The following PPM1H variants were observed in gnomAD, a reference collection of about 807,000 sequenced individuals.
The protein encoded by PPM1H is protein phosphatase, Mg2+/Mn2+ dependent 1H.
In PPM1H, 27 loss-of-function variants were observed where a neutral mutation model predicts 54.9. The observed-to-expected ratio is 0.49, with a 90% CI of 0.36 to 0.68. The LOEUF (loss-of-function observed/expected upper bound fraction) is 0.68. Ranked by LOEUF, PPM1H falls within the 30% of genes least tolerant of loss-of-function variation. PPM1H has a pLI of 0.00. For synonymous variants in PPM1H, 305 were observed against 270.8 expected (o/e 1.13, Z -1.24); for missense variants, 596 against 667.8 (o/e 0.89, Z 1.19).
intron 3 of PPM1H, among the ~76,000 whole-genome samples, chr12:62,800,605 G>T (rs1421894629): frequency 6.6e-6 from 1 of 152,006 alleles, no homozygotes; most frequent in Non-Finnish European, 1.5e-5. Context: ...CCAAAGTGCT[G>T]GGATTACAGG....
intron 6 of PPM1H, among the ~76,000 whole-genome samples, chr12:62,714,351 GC>G (rs1677227068): frequency 6.6e-6 from 1 of 152,224 alleles, no homozygotes; most frequent in African/African-American, 2.4e-5. Flanking sequence ...GAGAAAATGG[GC>G]TAACTCCACT....
chr12:62,665,804 G>A (rs1473316065), intron 9 of PPM1H, among the ~76,000 whole-genome samples: 2 of 150,508 alleles, frequency 1.3e-5, no homozygotes, highest in Non-Finnish European at 3.0e-5. Context: ...TGGTGTGATC[G>A]ATCTTGGCTC....
rs1446880694 is a variant in PPM1H at position 62,844,498 on chromosome 12, CTT to C, written c.246-12221_246-12220del. On this transcript the variant is annotated intron_variant, in intron 1 of 9. Transcript: ENST00000228705. This position sits in a 1 kb window ranked among gnomAD's most constrained non-coding sequence, Gnocchi z 5.2. ...ACATTCCCCTCAAGGCTCAAGATAA[CTT>C]AAAGTTCCAACAGCTTTAAGTTTGG... 2.0e-5 allele frequency among the ~76,000 whole-genome samples: 3 copies of C among 152,290 alleles called. No homozygotes were observed. The highest frequency in any genetic ancestry group is 4.4e-5 in the Non-Finnish European group (3 of 68,020).
chr12:62,917,319 A>C lies in PPM1H; in HGVS notation c.245+17173T>G, dbSNP rs200827104. Among the ~76,000 whole-genome samples the C allele has an allele frequency of 3.3e-5, 5 of 152,366 alleles. No individual in the cohort carries two copies. In the East Asian group the frequency reaches 9.6e-4, roughly 29 times the overall value. Reference sequence around the variant, plus strand: ...CCATGTAGATGTCCTCAGGTCACCCACCTACAGACAACTTGGGGCTAAATG... The same window carrying C: ...CCATGTAGATGTCCTCAGGTCACCCCCCTACAGACAACTTGGGGCTAAATG... On this transcript the variant is annotated intron_variant, in intron 1 of 9. Coordinates refer to ENST00000228705, the MANE Select transcript of PPM1H (RefSeq NM_020700.2).
chr12:62,735,206 T>C (rs955161085), intron 5 of PPM1H, among the ~76,000 whole-genome samples: 1 of 152,138 alleles, frequency 6.6e-6, no homozygotes, highest in African/African-American at 2.4e-5. Context: ...TTTTTAATTT[T>C]TTTTTTCTTT....
At chr12:62,783,880 T>C (rs141256585) in intron 4 of PPM1H, among the ~76,000 whole-genome samples, 2 of 152,298 alleles carry the variant, frequency 1.3e-5, no homozygotes, top group East Asian at 3.9e-4. Context: ...CTCAGTGCCT[T>C]AGTTCTCTAG....
At chr12:62,747,157 A>G (rs1334463011) in intron 4 of PPM1H, among the ~76,000 whole-genome samples, 1 of 146,962 alleles carries the variant, frequency 6.8e-6, no homozygotes, top group Non-Finnish European at 1.5e-5. Flanking sequence ...TTTTTTTGAG[A>G]CGGAGTTTTG....
rs71278269 is a variant in PPM1H at position 62,838,920 on chromosome 12, CAAAAAAAAAAA to C, written c.246-6652_246-6642del. The stretch of plus-strand genomic sequence containing the variant: ...TGGGCGACAGAGCGAGACTCCGTCT[CAAAAAAAAAAA>C]AAAAAAAAAAAAAAAAAAAAGAATA... On this transcript the variant is annotated intron_variant, in intron 1 of 9. Coordinates refer to ENST00000228705, the MANE Select transcript of PPM1H (RefSeq NM_020700.2). Among the ~76,000 whole-genome samples the C allele has an allele frequency of 4.3e-3, 144 of 33,298 alleles. 8 individuals carry two copies. The highest frequency in any genetic ancestry group is 0.016 in the African/African-American group (126 of 8,118). 21.8% of individuals were successfully genotyped at this position (33,298 alleles called of 152,430 possible).
At chr12:62,795,965 G>A (rs1228388504) in intron 3 of PPM1H, among the ~76,000 whole-genome samples, 8 of 152,182 alleles carry the variant, frequency 5.3e-5, no homozygotes, top group African/African-American at 1.9e-4. Flanking sequence ...CTGGCCTCAA[G>A]TGATCTGCCC....
At chr12:62,806,420 A>G (rs546485767) in intron 2 of PPM1H, among the ~76,000 whole-genome samples, 1 of 152,336 alleles carries the variant, frequency 6.6e-6, no homozygotes, top group Admixed American at 6.5e-5. Flanking sequence ...TGAAAGAGAT[A>G]TCAGACATGG....
At chr12:62,920,945 G>C (rs1871779500) in intron 1 of PPM1H, among the ~76,000 whole-genome samples, 1 of 151,796 alleles carries the variant, frequency 6.6e-6, no homozygotes, top group Non-Finnish European at 1.5e-5. Context: ...TATGTATTGA[G>C]ACAGAGTCTC....
rs898639273 is a variant in PPM1H, at chr12:62,644,183, G to A, written c.*4306C>T. 2.6e-5 allele frequency: 4 copies of A among 152,098 alleles called. No individual in the cohort carries two copies. In the East Asian group the frequency reaches 7.7e-4, roughly 29 times the overall value. 9.4% of individuals were successfully genotyped at this position (152,098 alleles called of 1,614,324 possible). A position where few individuals can be genotyped will look rare whatever the true frequency, so the allele number is the denominator to read the frequency against. The stretch of plus-strand genomic sequence containing the variant: ...ACAATCACAAAGCATAAAGGTACAT[G>A]GTTCTGAAACAATTTCCAGGCAGAT... On this transcript the variant is annotated 3_prime_UTR_variant, in exon 10 of 10. Coordinates refer to ENST00000228705, the MANE Select transcript of PPM1H (RefSeq NM_020700.2).
intron 3 of PPM1H, among the ~76,000 whole-genome samples, chr12:62,799,669 G>A (rs911756986): frequency 6.6e-6 from 1 of 152,086 alleles, no homozygotes; most frequent in Non-Finnish European, 1.5e-5. Flanking sequence ...CAGCCTCCTG[G>A]TATTTTCATT....
chr12:62,904,608 G>T (rs1352183091), intron 1 of PPM1H, among the ~76,000 whole-genome samples: 3 of 152,042 alleles, frequency 2.0e-5, no homozygotes, highest in African/African-American at 4.8e-5. Flanking sequence ...TATGAGATAT[G>T]GGCAAAAGGA....
At chr12:62,923,526 C>T (rs924303558) in intron 1 of PPM1H, among the ~76,000 whole-genome samples, 1 of 152,124 alleles carries the variant, frequency 6.6e-6, no homozygotes, top group South Asian at 2.1e-4. Context: ...CTCAGCCTCT[C>T]GAGTAGCTGG....
chr12:62,733,068 G>A (rs959193174), intron 5 of PPM1H, among the ~76,000 whole-genome samples: 6 of 152,106 alleles, frequency 3.9e-5, no homozygotes, highest in East Asian at 1.9e-4. Context: ...GTTACTTTTC[G>A]TTTTAATTTC....
chr12:62,815,209 C>T (rs750803875), intron 2 of PPM1H, among the ~76,000 whole-genome samples: 4 of 150,760 alleles, frequency 2.7e-5, no homozygotes, highest in African/African-American at 9.9e-5. Flanking sequence ...CTAAATTGTT[C>T]GGATACTCTG....
At chr12:62,869,486 A>G (rs1239609287) in intron 1 of PPM1H, among the ~76,000 whole-genome samples, 1 of 152,206 alleles carries the variant, frequency 6.6e-6, no homozygotes, top group African/African-American at 2.4e-5. Context: ...GATGCAGGCA[A>G]TGTGACTTCA....
chr12:62,863,269 T>TC (rs1234169860), intron 1 of PPM1H, among the ~76,000 whole-genome samples: 3 of 151,902 alleles, frequency 2.0e-5, no homozygotes, highest in Non-Finnish European at 4.4e-5. Flanking sequence ...GCTCAAGCAA[T>TC]CCCCCTGCTC....
Sources: allele counts gnomAD v4.1 joint callset (sites outside exome capture counted in the v4.1 genomes callset), GRCh38; gene constraint gnomAD v4.1.1; non-coding constraint Gnocchi (gnomAD v3.1); transcripts MANE v1.5; gene names NCBI Gene and HGNC (gene_info 2026-07-23, HGNC 2026-07-21).